Variants in RIN3 observed in about 807,000 individuals in gnomAD.
RIN3 encodes the protein RAB5 interacting protein 3.
Under a neutral mutation model 76.3 loss-of-function variants are expected in RIN3, and 54 were observed. That is an observed-to-expected ratio of 0.71 (90% CI 0.57 to 0.89). The LOEUF is 0.89. Ranked by LOEUF, RIN3 falls within the 40% of genes least tolerant of loss-of-function variation. The pLI, the probability that RIN3 is intolerant of heterozygous loss-of-function variation, is 0.00. For missense variants in RIN3, 1,256 were observed against 1,322.1 expected, an observed-to-expected ratio of 0.95 and a Z score of 0.78; for synonymous variants, 576 against 564.0, an observed-to-expected ratio of 1.02 and a Z score of -0.30.
intron 1 of RIN3, among the ~76,000 whole-genome samples, chr14:92,524,344 T>G (rs890260888): frequency 2.5e-4 from 38 of 152,280 alleles, no homozygotes; most frequent in African/African-American, 8.7e-4. Context: ...ACTTGCTGAG[T>G]GTCAAGCTTG....
chr14:92,518,340 T>C (rs1302753410), intron 1 of RIN3, among the ~76,000 whole-genome samples: 1 of 152,244 alleles, frequency 6.6e-6, no homozygotes, highest in Non-Finnish European at 1.5e-5. Flanking sequence ...GATACGCTGA[T>C]TGAAGGCTGC....
At chr14:92,635,940 T>A (rs1183315385) in intron 4 of RIN3, among the ~76,000 whole-genome samples, 1 of 152,126 alleles carries the variant, frequency 6.6e-6, no homozygotes, top group African/African-American at 2.4e-5. Context: ...CAGTGGCAAT[T>A]AGGAAATAAT....
At chr14:92,661,724 C>T (rs959378640) in intron 7 of RIN3, among the ~76,000 whole-genome samples, 2 of 64,318 alleles carry the variant, frequency 3.1e-5, no homozygotes, top group African/African-American at 1.0e-4. Flanking sequence ...GAGACTCTGT[C>T]ACACACACAC....
At chr14:92,556,708 C>T (rs748311302) in intron 2 of RIN3, among the ~76,000 whole-genome samples, 19 of 152,292 alleles carry the variant, frequency 1.2e-4, no homozygotes, top group Middle Eastern at 6.8e-3. Flanking sequence ...TTCTCCTATA[C>T]GCTGCTTCCT....
At chr14:92,659,053 C>A (rs941774526) in intron 6 of RIN3, 108 bp from the exon 7 acceptor site, 2 of 1,017,384 alleles carry the variant, frequency 2.0e-6, no homozygotes, top group African/African-American at 1.6e-5. Flanking sequence ...CTGTGAGTGT[C>A]CTTCCAGGGG....
At chr14:92,628,802 A>ATTG (rs1886450123) in intron 4 of RIN3, among the ~76,000 whole-genome samples, 1 of 151,828 alleles carries the variant, frequency 6.6e-6, no homozygotes, top group Non-Finnish European at 1.5e-5. Flanking sequence ...ATTTTTTTTA[A>ATTG]AAAAAAGAAT....
chr14:92,673,188 A>G (rs939839717), intron 7 of RIN3, among the ~76,000 whole-genome samples: 2 of 152,174 alleles, frequency 1.3e-5, no homozygotes, highest in East Asian at 1.9e-4. Context: ...ACAAATATCA[A>G]TATCACAGCA....
At chr14:92,599,541 C>T (rs561772323) in intron 3 of RIN3, among the ~76,000 whole-genome samples, 3 of 152,252 alleles carry the variant, frequency 2.0e-5, no homozygotes, top group East Asian at 1.9e-4. Context: ...CAGCAAGGGA[C>T]GCAGTGAGCG....
At chr14:92,610,930 G>A (rs1480485874) in intron 3 of RIN3, among the ~76,000 whole-genome samples, 5 of 152,156 alleles carry the variant, frequency 3.3e-5, no homozygotes, top group African/African-American at 1.2e-4. Context: ...TGAACACACG[G>A]GCACTGTTCC....
chr14:92,615,983 A>AC (rs144539489), intron 4 of RIN3: 1,577 of 154,902 alleles, frequency 0.01, 26 homozygotes, highest in African/African-American at 0.035. Flanking sequence ...TAAGTCAATG[A>AC]CTTAAGCTAC....
intron 3 of RIN3, among the ~76,000 whole-genome samples, chr14:92,591,253 A>G (rs1884967718): frequency 6.6e-6 from 1 of 152,226 alleles, no homozygotes; most frequent in South Asian, 2.1e-4. Flanking sequence ...ATCTCTGAGC[A>G]TGATAATATC....
chr14:92,641,111 C>T, intron 4 of RIN3, 127 bp from the exon 5 acceptor site: 1 of 707,576 alleles, frequency 1.4e-6, no homozygotes, highest in Non-Finnish European at 2.5e-6. Context: ...CCCTCAGCTC[C>T]AGGGAAGCTT....
At chr14:92,639,530 C>T (rs1416677811) in intron 4 of RIN3, among the ~76,000 whole-genome samples, 1 of 152,180 alleles carries the variant, frequency 6.6e-6, no homozygotes, top group East Asian at 1.9e-4. Context: ...GTCCCCAGGC[C>T]TTAAACACTA....
At chr14:92,588,818 G>A (rs1884878436) in intron 3 of RIN3, among the ~76,000 whole-genome samples, 1 of 152,132 alleles carries the variant, frequency 6.6e-6, no homozygotes, top group African/African-American at 2.4e-5. Flanking sequence ...ACTAGTACTA[G>A]CACGTGCAAG....
chr14:92,636,586 AAAAAT>A (rs1246621537), intron 4 of RIN3, among the ~76,000 whole-genome samples: 3 of 152,246 alleles, frequency 2.0e-5, no homozygotes, highest in South Asian at 2.1e-4. Context: ...TCCATCTCAA[AAAAAT>A]AAAATAAAAT....
chr14:92,599,554 G>A lies in RIN3; in HGVS notation c.368-15853G>A, dbSNP rs76651360. ...AACAGCAAGGGACGCAGTGAGCGTC[G>A]GTGCCTGGGAGAAAGAGAGCAACCC... On this transcript the variant is annotated intron_variant, in intron 3 of 9. Coordinates refer to ENST00000216487, the MANE Select transcript of RIN3 (RefSeq NM_024832.5). Among the ~76,000 whole-genome samples the A allele has an allele frequency of 2.4e-3, 360 of 152,252 alleles. 10 individuals are homozygous for A. The East Asian group carries it at 0.063, about 27-fold the overall frequency.
chr14:92,530,040 G>T (rs914511564), intron 1 of RIN3, among the ~76,000 whole-genome samples: 6 of 152,212 alleles, frequency 3.9e-5, no homozygotes, highest in Non-Finnish European at 8.8e-5. Flanking sequence ...CAATGATTCA[G>T]TATTCGCTCA....
intron 1 of RIN3, among the ~76,000 whole-genome samples, chr14:92,549,400 T>C (rs1425457019): frequency 6.6e-6 from 1 of 152,162 alleles, no homozygotes; most frequent in Non-Finnish European, 1.5e-5. Context: ...GCCGGAACCC[T>C]GTGAAGCTGG....
Position 92,685,531 on chromosome 14 carries a change from T to G in RIN3, c.2631+381T>G. On this transcript the variant is annotated intron_variant, in intron 9 of 9. Transcript: ENST00000216487. This position sits in a 1 kb window ranked among gnomAD's most constrained non-coding sequence, Gnocchi z 4.7. ...CCCACAGGCTCATCTACAGCCTTGC[T>G]CCTTAGTCCCTGGACAAATGCAGCA... 5.0e-6 allele frequency: 1 copy of G among 198,906 alleles called. No individual in the cohort carries two copies. Among genetic ancestry groups the G allele is most frequent in the Non-Finnish European group, 1.0e-5 (1 of 95,546 alleles). The allele number at this position is 198,906 out of a possible 1,614,324, so 12.3% of individuals were successfully genotyped here. A position where few individuals can be genotyped will look rare whatever the true frequency, so the allele number is the denominator to read the frequency against.
Sources: allele counts gnomAD v4.1 joint callset (sites outside exome capture counted in the v4.1 genomes callset), GRCh38; gene constraint gnomAD v4.1.1; non-coding constraint Gnocchi (gnomAD v3.1); transcripts MANE v1.5; gene names NCBI Gene and HGNC (gene_info 2026-07-23, HGNC 2026-07-21).